Variants in SLC9A6 observed in about 807,000 individuals in gnomAD.
SLC9A6 encodes sodium/hydrogen exchanger 6.
Under a neutral mutation model 45.3 loss-of-function variants are expected in SLC9A6, and 6 were observed. The ratio of observed to expected loss-of-function variants is 0.13; its 90% CI spans 0.07 to 0.26. The LOEUF is 0.26. Among genes scored for constraint, SLC9A6 ranks in the 10% least tolerant of loss-of-function variants. The pLI, the probability that SLC9A6 is intolerant of heterozygous loss-of-function variation, is 1.00. For synonymous variants in SLC9A6, 191 were observed against 187.7 expected, an observed-to-expected ratio of 1.02 and a Z score of -0.14; for missense variants, 278 against 503.7, an observed-to-expected ratio of 0.55 and a Z score of 4.29.
chrX:135,976,593 A>C (rs991722133), intron 1 of SLC9A6, among the ~76,000 whole-genome samples: 5 of 107,515 alleles, frequency 4.7e-5, no homozygotes, highest in Admixed American at 2.0e-4. Flanking sequence ...CAAGAGTGAA[A>C]CTCCATTTCC....
At chrX:136,043,277 T>C (rs1023353158) in intron 17 of SLC9A6, among the ~76,000 whole-genome samples, 1 of 112,043 alleles carries the variant, frequency 8.9e-6, no homozygotes, top group African/African-American at 3.2e-5. Flanking sequence ...CAGGTTGGCC[T>C]CAAACTTCTG....
At chrX:135,982,423 G>A (rs782438290), upstream of SLC9A6, among the ~76,000 whole-genome samples, 2 of 109,180 alleles carry the variant, frequency 1.8e-5, no homozygotes, top group African/African-American at 6.7e-5. Context: ...GTGATTGTTG[G>A]AGTAGATCCT....
chrX:136,012,857 C>T, intron 8 of SLC9A6, 92 bp from the exon 9 acceptor site: 1 of 638,893 alleles, frequency 1.6e-6, no homozygotes, highest in South Asian at 2.2e-5. Flanking sequence ...AGCTAGAGAA[C>T]CTTTCTTTCA....
At chrX:136,012,381 G>T (rs1474373190) in intron 8 of SLC9A6, among the ~76,000 whole-genome samples, 1 of 112,456 alleles carries the variant, frequency 8.9e-6, no homozygotes, top group Non-Finnish European at 1.9e-5. Context: ...TTGTAGAAAT[G>T]ACTCTAGATT....
rs782352149 is a variant in SLC9A6 at position 136,010,495 on chromosome X, C to A, written c.797C>A (p.Thr266Lys). The change falls in exon 8 of 18, where the codon ACA becomes AAA. Residue 266 changes from threonine to lysine, a missense_variant. This residue lies in a region of SLC9A6 where 118 missense variants were observed against 209.9 expected (regional missense o/e 0.56). Transcript: ENST00000630721. ...GACAACAGTCACACCTTTGATGTCA[C>A]AGCGATGTTCAAGTCTATTGGGATC... ...AGDNSHTFDVTAMFKSIGIFL... is the reference protein window; with the variant it reads ...AGDNSHTFDVKAMFKSIGIFL... 2 of 1,210,410 alleles carry A rather than the reference C, an allele frequency of 1.7e-6. No individual in the cohort carries two copies. The highest frequency in any genetic ancestry group is 3.5e-5 in the South Asian group (2 of 56,978).
intron 2 of SLC9A6, among the ~76,000 whole-genome samples, chrX:135,990,121 GATTAC>G (rs1392065686): frequency 9.0e-6 from 1 of 111,004 alleles, no homozygotes; most frequent in African/African-American, 3.3e-5. Context: ...GAGTAGCTGG[GATTAC>G]AGGTGACCGC....
At chrX:136,031,148 C>T (rs2071312502) in intron 15 of SLC9A6, among the ~76,000 whole-genome samples, 1 of 111,898 alleles carries the variant, frequency 8.9e-6, no homozygotes, top group African/African-American at 3.3e-5. Flanking sequence ...GGATAAATTC[C>T]CATGATGCCG....
intron 17 of SLC9A6, among the ~76,000 whole-genome samples, chrX:136,042,983 A>G (rs782277252): frequency 1.6e-4 from 18 of 112,173 alleles, no homozygotes; most frequent in African/African-American, 5.8e-4. Context: ...AAGTATATAG[A>G]ATAGATTTTA....
chrX:135,985,605 G>A lies in SLC9A6; in HGVS notation c.-54G>A, dbSNP rs781943101. On this transcript the variant is annotated splice_region_variant and 5_prime_UTR_variant, in exon 2 of 18. Coordinates refer to ENST00000630721, the MANE Select transcript of SLC9A6 (RefSeq NM_001379110.1). ...GCCCCTTTGGTTGCTCCTCGCAGTGGGCGTCTTTGACTGGGCAGGGGCTTC... is the reference window on the plus strand; with the variant it reads ...GCCCCTTTGGTTGCTCCTCGCAGTGAGCGTCTTTGACTGGGCAGGGGCTTC... 2.5e-6 allele frequency: 3 copies of A among 1,208,079 alleles called. No individual in the cohort carries two copies. The highest frequency in any genetic ancestry group is 3.4e-6 in the Non-Finnish European group (3 of 894,326).
chrX:135,982,177 T>G (rs1472088993), upstream of SLC9A6, among the ~76,000 whole-genome samples: 1 of 111,455 alleles, frequency 9.0e-6, no homozygotes, highest in Admixed American at 9.5e-5. Context: ...GTCTGATTTT[T>G]GATAATCCCT....
At chrX:136,012,146 A>G (rs1172523996) in intron 8 of SLC9A6, among the ~76,000 whole-genome samples, 1 of 113,234 alleles carries the variant, frequency 8.8e-6, no homozygotes, top group Admixed American at 9.3e-5. Context: ...TGATACTTGT[A>G]TAAAACAGAT....
intron 2 of SLC9A6, among the ~76,000 whole-genome samples, chrX:135,990,950 A>T (rs370598864): frequency 9.0e-6 from 1 of 111,445 alleles, no homozygotes; most frequent in Admixed American, 9.5e-5. Flanking sequence ...AATAGTAGAG[A>T]AAAGAGCTGT....
Position 136,046,926 on chromosome X carries a change from G to C in SLC9A6, c.*2202G>C, listed in dbSNP as rs2071608429. The C allele has an allele frequency of 8.9e-6, 1 of 112,889 alleles. No homozygotes were observed. The highest frequency in any genetic ancestry group is 9.4e-5 in the Admixed American group (1 of 10,617). The allele number at this position is 112,889 out of a possible 1,213,427, so 9.3% of individuals were successfully genotyped here. A position where few individuals can be genotyped will look rare whatever the true frequency, so the allele number is the denominator to read the frequency against. On this transcript the variant is annotated 3_prime_UTR_variant, in exon 18 of 18. Transcript: ENST00000630721. ...TTTGTGGAACCTACGCGTTTGAATG[G>C]CTTGAACGTTGCATCTTTTAAAGTT... is the stretch of plus-strand genomic sequence containing the variant.
At chrX:136,014,480 A>G (rs1388252076) in intron 10 of SLC9A6, among the ~76,000 whole-genome samples, 1 of 112,707 alleles carries the variant, frequency 8.9e-6, no homozygotes, top group East Asian at 2.8e-4. Flanking sequence ...AAAAACAAGA[A>G]CAGGCCGGGC....
At chrX:136,033,523 G>A in intron 16 of SLC9A6, 30 bp downstream of exon 16, 1 of 853,141 alleles carries the variant, frequency 1.2e-6, no homozygotes, top group Non-Finnish European at 1.7e-6. Context: ...AAAAAAAAAG[G>A]ATAATGTGGA....
At chrX:136,013,267 TA>T in intron 9 of SLC9A6, 81 bp from the exon 10 acceptor site, 1 of 820,679 alleles carries the variant, frequency 1.2e-6, no homozygotes, top group East Asian at 3.1e-5. Flanking sequence ...ACAAAGCCTA[TA>T]ATCTACTGTG....
At chrX:135,973,957 G>A (rs1346819507), upstream of SLC9A6, 4 of 1,089,794 alleles carry the variant, frequency 3.7e-6, no homozygotes, top group South Asian at 2.0e-5. Context: ...TAAACGAAGA[G>A]GCGAAAGCGG....
chrX:136,037,051 C>T (rs888782572), intron 16 of SLC9A6, among the ~76,000 whole-genome samples: 7 of 112,535 alleles, frequency 6.2e-5, no homozygotes, highest in African/African-American at 2.3e-4. Context: ...TTTCTGGACT[C>T]TCTTTTTTAA....
upstream of SLC9A6, among the ~76,000 whole-genome samples, chrX:135,984,606 T>C (rs1359305610): frequency 3.6e-5 from 4 of 111,293 alleles, no homozygotes; most frequent in African/African-American, 1.3e-4. Flanking sequence ...TTGGACAGGC[T>C]GAGAACAGAA....
Sources: allele counts gnomAD v4.1 joint callset (sites outside exome capture counted in the v4.1 genomes callset), GRCh38; gene constraint gnomAD v4.1.1; regional missense constraint gnomAD v4.1.1; transcripts MANE v1.5; gene names NCBI Gene and HGNC (gene_info 2026-07-23, HGNC 2026-07-21).